The following ZFAT variants were observed in gnomAD, a reference collection of about 807,000 sequenced individuals.
ZFAT encodes the protein zinc finger and AT-hook domain containing, also known as zinc finger protein ZFAT.
In ZFAT, 64 loss-of-function variants were observed where a neutral mutation model predicts 117.7. That is an observed-to-expected ratio of 0.54 (90% CI 0.44 to 0.67). The LOEUF is 0.67. Among genes scored for constraint, ZFAT ranks in the 30% least tolerant of loss-of-function variants. The pLI is 0.00. For synonymous variants in ZFAT, 679 were observed against 615.0 expected, an observed-to-expected ratio of 1.10 and a Z score of -1.54; for missense variants, 1,433 against 1,584.5, an observed-to-expected ratio of 0.90 and a Z score of 1.62.
At chr8:134,750,292 G>GGAATAAAGAAATACAATGTT in the ZFAT span, among the ~76,000 whole-genome samples, 2 of 151,012 alleles carry the variant, frequency 1.3e-5, no homozygotes, top group Non-Finnish European at 3.0e-5. Context: ...TGTTTTTACT[G>GGAATAAAGAAATACAATGTT]GAATAGAGAA....
At chr8:134,712,414 G>A (rs1358906113) in intron 1 of ZFAT, among the ~76,000 whole-genome samples, 1 of 152,102 alleles carries the variant, frequency 6.6e-6, no homozygotes, top group Non-Finnish European at 1.5e-5. Context: ...TCCAGCCGGC[G>A]GCCGGGAAGC....
chr8:134,538,357 G>A lies in ZFAT; in HGVS notation c.2977-5385C>T, dbSNP rs1046814339. 6.6e-5 allele frequency among the ~76,000 whole-genome samples: 10 copies of A among 152,272 alleles called. No homozygotes were observed. In the East Asian group the frequency reaches 7.7e-4, roughly 12 times the overall value. ...CTGGACCTGGCAACCAGGGGGTGGC[G>A]CCGGTGACCTACCAAGAAGAGGTTC... On this transcript the variant is annotated intron_variant, in intron 11 of 15. Transcript: ENST00000377838.
chr8:134,564,464 T>C (rs1293607733), intron 11 of ZFAT, among the ~76,000 whole-genome samples: 1 of 152,204 alleles, frequency 6.6e-6, no homozygotes, highest in African/African-American at 2.4e-5. Flanking sequence ...TCAGGACAGT[T>C]TGGGGCACTG....
intron 1 of ZFAT, among the ~76,000 whole-genome samples, chr8:134,670,283 A>G (rs939398303): frequency 6.6e-6 from 1 of 152,248 alleles, no homozygotes; most frequent in African/African-American, 2.4e-5. Context: ...CTCCACCCCA[A>G]ATCAACAGAA....
At chr8:134,507,406 C>T (rs113843798) in intron 15 of ZFAT, among the ~76,000 whole-genome samples, 2,083 of 152,200 alleles carry the variant, frequency 0.014, 48 homozygotes, top group African/African-American at 0.047. Context: ...CAACAGCCAC[C>T]GTGAGCGAGG....
the ZFAT span, among the ~76,000 whole-genome samples, chr8:134,809,814 T>G: frequency 6.6e-6 from 1 of 152,190 alleles, no homozygotes; most frequent in African/African-American, 2.4e-5. Flanking sequence ...ATTCAGAATT[T>G]TTGTTTTCAA....
the ZFAT span, among the ~76,000 whole-genome samples, chr8:134,759,736 G>A: frequency 6.6e-6 from 1 of 152,008 alleles, no homozygotes; most frequent in Non-Finnish European, 1.5e-5. Flanking sequence ...TGAAATTTGG[G>A]CGGCTGAGGC....
chr8:134,726,164 T>G, the ZFAT span, among the ~76,000 whole-genome samples: 1 of 152,068 alleles, frequency 6.6e-6, no homozygotes, highest in African/African-American at 2.4e-5. Flanking sequence ...AGAATTCATC[T>G]GAGGAAGGAT....
Position 134,515,501 on chromosome 8 carries a change from T to A in ZFAT, c.3235-2900A>T, listed in dbSNP as rs529118744. On this transcript the variant is annotated intron_variant, in intron 13 of 15. Transcript: ENST00000377838. Reference sequence around the variant, plus strand: ...TTCCTGACTTTTTAATGATCACCATTCTAACTGGCGTGAGATGGTATCTCA... The same window carrying A: ...TTCCTGACTTTTTAATGATCACCATACTAACTGGCGTGAGATGGTATCTCA... Among the ~76,000 whole-genome samples, 4 of 152,354 alleles carry A rather than the reference T, an allele frequency of 2.6e-5. No homozygotes were observed. In the South Asian group the frequency reaches 6.2e-4, roughly 24 times the overall value.
At chr8:134,696,526 C>G in intron 1 of ZFAT, 1 of 985,816 alleles carries the variant, frequency 1.0e-6, no homozygotes, top group Non-Finnish European at 1.2e-6. Flanking sequence ...GCCTCTCCAT[C>G]TACACCCTTT....
At chr8:134,549,498 C>T (rs1474475228) in intron 11 of ZFAT, among the ~76,000 whole-genome samples, 1 of 151,780 alleles carries the variant, frequency 6.6e-6, no homozygotes. Context: ...TCCCCAGAGG[C>T]TGCTCAGTGC....
chr8:134,695,526 G>A (rs1833785448), intron 1 of ZFAT, among the ~76,000 whole-genome samples: 1 of 150,892 alleles, frequency 6.6e-6, no homozygotes, highest in Admixed American at 6.6e-5. Flanking sequence ...CCACCCCCAG[G>A]CCCTGCCTGC....
intron 1 of ZFAT, among the ~76,000 whole-genome samples, chr8:134,667,618 A>G (rs1832300451): frequency 6.6e-6 from 1 of 152,102 alleles, no homozygotes; most frequent in Non-Finnish European, 1.5e-5. Flanking sequence ...ATAAAAAAAA[A>G]AAGAGGGGGG....
chr8:134,561,002 A>G (rs1321265186), intron 11 of ZFAT, among the ~76,000 whole-genome samples: 1 of 152,270 alleles, frequency 6.6e-6, no homozygotes, highest in East Asian at 1.9e-4. Context: ...TGCATCTGCA[A>G]GAAGAGAAAA....
At chr8:134,808,176 G>A in the ZFAT span, among the ~76,000 whole-genome samples, 21 of 152,294 alleles carry the variant, frequency 1.4e-4, no homozygotes, top group South Asian at 6.2e-4. Context: ...ACATGCACAT[G>A]CACACATGCA....
At chr8:134,696,165 C>A (rs1833830649) in intron 1 of ZFAT, among the ~76,000 whole-genome samples, 1 of 152,128 alleles carries the variant, frequency 6.6e-6, no homozygotes, top group Non-Finnish European at 1.5e-5. Context: ...GGAGGTGCCA[C>A]CCCCAGGCCC....
At chr8:134,483,095 G>A (rs888152658) in intron 15 of ZFAT, among the ~76,000 whole-genome samples, 1 of 152,186 alleles carries the variant, frequency 6.6e-6, no homozygotes, top group African/African-American at 2.4e-5. Flanking sequence ...GCATTTCATG[G>A]TATATGATCA....
At chr8:134,796,756 G>A in the ZFAT span, 7 of 152,238 alleles carry the variant, frequency 4.6e-5, no homozygotes, top group African/African-American at 1.7e-4. Context: ...TAGGTCTAGT[G>A]ACTATGAAGC....
Position 134,478,584 on chromosome 8 carries a change from G to T in ZFAT, c.3630C>A (p.Val1210=), listed in dbSNP as rs756671457. The change falls in exon 16 of 16, where the codon GTC becomes GTA. Residue 1210 remains valine, a synonymous_variant. Transcript: ENST00000377838. This position sits in a 1 kb window ranked among gnomAD's most constrained non-coding sequence, Gnocchi z 5.2. ...DDVEGIETVT[V]YTQGGEASEF... ...CCGAGGCCTCCCCGCCCTGCGTGTA[G>T]ACAGTCACCGTCTCAATGCCCTCCA... 6.3e-7 allele frequency: 1 copy of T among 1,594,092 alleles called. No homozygotes were observed. Among genetic ancestry groups the T allele is most frequent in the South Asian group, 1.1e-5 (1 of 87,386 alleles).
Sources: allele counts gnomAD v4.1 joint callset (sites outside exome capture counted in the v4.1 genomes callset), GRCh38; gene constraint gnomAD v4.1.1; non-coding constraint Gnocchi (gnomAD v3.1); transcripts MANE v1.5; gene names NCBI Gene and HGNC (gene_info 2026-07-23, HGNC 2026-07-21).